EYA2: variants seen among roughly 807,000 people sequenced by gnomAD.
The protein encoded by EYA2 is EYA transcriptional coactivator and phosphatase 2.
In EYA2, 31 loss-of-function variants were observed where a neutral mutation model predicts 69.2. The ratio of observed to expected loss-of-function variants is 0.45; its 90% CI spans 0.34 to 0.60. The LOEUF is 0.60. EYA2 is among the 20% of genes least tolerant of loss of function. The pLI, the probability that EYA2 is intolerant of heterozygous loss-of-function variation, is 0.02. For synonymous variants in EYA2, 257 were observed against 279.4 expected, an observed-to-expected ratio of 0.92 and a Z score of 0.80; for missense variants, 622 against 701.2, an observed-to-expected ratio of 0.89 and a Z score of 1.28.
At chr20:46,912,416 A>G (rs1437212028) in intron 1 of EYA2, among the ~76,000 whole-genome samples, 2 of 152,166 alleles carry the variant, frequency 1.3e-5, no homozygotes, top group African/African-American at 4.8e-5. Flanking sequence ...AAGGTTTCCC[A>G]TGATAACTGT....
chr20:46,909,686 G>A (rs1205578420), intron 1 of EYA2, among the ~76,000 whole-genome samples: 2 of 152,184 alleles, frequency 1.3e-5, no homozygotes, highest in Non-Finnish European at 2.9e-5. Flanking sequence ...ATTCTGTACT[G>A]TGCCACCTGT....
Position 47,146,751 on chromosome 20 carries a change from C to T in EYA2, c.978+3603C>T, listed in dbSNP as rs527842523. Among the ~76,000 whole-genome samples the T allele has an allele frequency of 6.6e-5, 10 of 152,304 alleles. No individual in the cohort carries two copies. In the South Asian group the frequency reaches 1.0e-3, roughly 16 times the overall value. On this transcript the variant is annotated intron_variant, in intron 10 of 15. Coordinates refer to ENST00000327619, the MANE Select transcript of EYA2 (RefSeq NM_005244.5). ...AAGCCAGAAGCCTTTGTTCTCCGAGCCTGTAGTAGTACCACCTGTAAGGGA... is the reference window on the plus strand; with the variant it reads ...AAGCCAGAAGCCTTTGTTCTCCGAGTCTGTAGTAGTACCACCTGTAAGGGA...
At chr20:47,060,088 C>A (rs1294599688) in intron 5 of EYA2, among the ~76,000 whole-genome samples, 4 of 152,174 alleles carry the variant, frequency 2.6e-5, no homozygotes, top group Admixed American at 1.3e-4. Flanking sequence ...GAAGCCCTGG[C>A]TACATTAGAC....
chr20:46,927,302 TG>T (rs1301673379), intron 1 of EYA2, among the ~76,000 whole-genome samples: 3 of 152,146 alleles, frequency 2.0e-5, no homozygotes, highest in Non-Finnish European at 4.4e-5. Flanking sequence ...CAGTGGACAG[TG>T]TGACATATGA....
chr20:47,048,044 T>G (rs1568744542), intron 5 of EYA2, among the ~76,000 whole-genome samples: 1 of 152,214 alleles, frequency 6.6e-6, no homozygotes, highest in Non-Finnish European at 1.5e-5. Flanking sequence ...TCTGCCCATC[T>G]CAAGGCCATT....
chr20:47,186,306 T>C (rs769519774), intron 15 of EYA2, among the ~76,000 whole-genome samples: 19 of 151,582 alleles, frequency 1.3e-4, no homozygotes, highest in Non-Finnish European at 2.6e-4. Flanking sequence ...CAATCTGGGA[T>C]GCCCTTCCCT....
chr20:47,045,536 A>G (rs2029986267), intron 5 of EYA2, among the ~76,000 whole-genome samples: 1 of 152,244 alleles, frequency 6.6e-6, no homozygotes, highest in Non-Finnish European at 1.5e-5. Context: ...TCAGCCTACC[A>G]CATCCTGTCC....
intron 5 of EYA2, among the ~76,000 whole-genome samples, chr20:47,056,062 G>A (rs963865062): frequency 2.0e-5 from 3 of 152,138 alleles, no homozygotes; most frequent in South Asian, 4.1e-4. Flanking sequence ...TCAGGCATGC[G>A]GATTGTTTTA....
chr20:47,165,776 T>A (rs1037282748), intron 10 of EYA2, among the ~76,000 whole-genome samples: 39 of 152,254 alleles, frequency 2.6e-4, no homozygotes, highest in Middle Eastern at 3.4e-3. Flanking sequence ...GCAGCCACAC[T>A]ACCCCCTTGC....
Position 47,187,919 on chromosome 20 carries a change from G to T in EYA2, c.1537-134G>T, listed in dbSNP as rs902394602. 73 of 838,054 alleles carry T rather than the reference G, an allele frequency of 8.7e-5. 1 individual carries two copies. Among genetic ancestry groups the T allele is most frequent in the Non-Finnish European group, 1.3e-4 (66 of 519,680 alleles). 51.9% of individuals were successfully genotyped at this position (838,054 alleles called of 1,614,324 possible). A position where few individuals can be genotyped will look rare whatever the true frequency, so the allele number is the denominator to read the frequency against. On this transcript the variant is annotated intron_variant, in intron 15 of 15. Transcript: ENST00000327619. The stretch of plus-strand genomic sequence containing the variant: ...GATGTGGGTCTGCCAGCAACATCAA[G>T]TGCCCCATAGTTTGGGAAGTCCCCA...
intron 12 of EYA2, among the ~76,000 whole-genome samples, chr20:47,175,949 C>A (rs1209075715): frequency 6.6e-6 from 1 of 152,112 alleles, no homozygotes; most frequent in African/African-American, 2.4e-5. Context: ...TTCCACGTGT[C>A]CATCGTCAAA....
At chr20:47,064,687 C>T (rs951652880) in intron 5 of EYA2, among the ~76,000 whole-genome samples, 1 of 152,070 alleles carries the variant, frequency 6.6e-6, no homozygotes, top group African/African-American at 2.4e-5. Flanking sequence ...GCCAACCTAG[C>T]GAGTGTGAAG....
chr20:47,099,858 G>A (rs1185158532), intron 9 of EYA2, among the ~76,000 whole-genome samples: 1 of 152,042 alleles, frequency 6.6e-6, no homozygotes, highest in African/African-American at 2.4e-5. Flanking sequence ...TAGGCTATAA[G>A]CACCATAAGG....
intron 1 of EYA2, among the ~76,000 whole-genome samples, chr20:46,979,092 C>G (rs544682907): frequency 2.0e-5 from 3 of 152,198 alleles, no homozygotes; most frequent in African/African-American, 4.8e-5. Flanking sequence ...TCCCCTTAGC[C>G]GACTGGCCAT....
intron 9 of EYA2, among the ~76,000 whole-genome samples, chr20:47,113,673 C>T (rs1020661828): frequency 3.3e-5 from 5 of 152,184 alleles, no homozygotes; most frequent in Non-Finnish European, 7.3e-5. Context: ...TGTATTCACC[C>T]ACTGCAAAGG....
At chr20:46,985,002 C>T (rs1981091825) in intron 1 of EYA2, among the ~76,000 whole-genome samples, 1 of 152,156 alleles carries the variant, frequency 6.6e-6, no homozygotes, top group Non-Finnish European at 1.5e-5. Context: ...GCCTTCTAAA[C>T]AGAGTGAGAT....
intron 1 of EYA2, among the ~76,000 whole-genome samples, chr20:46,935,832 CAT>C (rs34441010): frequency 0.023 from 3,436 of 151,736 alleles, 135 homozygotes; most frequent in African/African-American, 0.079. Context: ...GTTATAATAA[CAT>C]AGATTATATT....
chr20:47,029,071 C>A (rs1355037322), intron 5 of EYA2, among the ~76,000 whole-genome samples: 2 of 152,168 alleles, frequency 1.3e-5, no homozygotes, highest in Non-Finnish European at 2.9e-5. Context: ...GGATTCAGCC[C>A]ACAGGCTGCC....
At chr20:47,127,568 A>G (rs924136338) in intron 9 of EYA2, among the ~76,000 whole-genome samples, 1 of 152,126 alleles carries the variant, frequency 6.6e-6, no homozygotes, top group Admixed American at 6.5e-5. Flanking sequence ...AACAAAAAAG[A>G]AAAGAAAATA....
Sources: gnomAD v4.1 joint callset for allele counts (sites outside exome capture counted in the v4.1 genomes callset) on GRCh38, gnomAD v4.1.1 for gene constraint, MANE v1.5 for transcripts, NCBI Gene and HGNC (gene_info 2026-07-23, HGNC 2026-07-21) for gene names.